The following PRKCB variants were observed in gnomAD, a reference collection of about 807,000 sequenced individuals.
PRKCB encodes protein kinase C beta.
A neutral mutation model predicts 81.5 loss-of-function variants in PRKCB; 13 were observed. The ratio of observed to expected loss-of-function variants is 0.16; its 90% CI spans 0.10 to 0.25. The LOEUF (loss-of-function observed/expected upper bound fraction) is 0.25. PRKCB is among the 10% of genes least tolerant of loss of function. The probability of loss-of-function intolerance (pLI) is 1.00; values close to 1 mark genes in which losing one functional copy is unlikely to be tolerated. For missense variants in PRKCB, 509 were observed against 875.7 expected (o/e 0.58, Z 5.29); for synonymous variants, 335 against 321.4 (o/e 1.04, Z -0.45).
chr16:24,112,451 T>C (rs1966686847), intron 7 of PRKCB, among the ~76,000 whole-genome samples: 1 of 152,086 alleles, frequency 6.6e-6, no homozygotes, highest in African/African-American at 2.4e-5. Context: ...GGCAGGAGGA[T>C]CGCTTGAACC....
Position 23,937,679 on chromosome 16 carries a change from A to G in PRKCB, c.206-50829A>G, listed in dbSNP as rs140162794. 2.1e-3 allele frequency among the ~76,000 whole-genome samples: 315 copies of G among 152,340 alleles called. 1 individual carries two copies. Among genetic ancestry groups the G allele is most frequent in the Non-Finnish European group, 2.3e-3 (157 of 68,026 alleles). On this transcript the variant is annotated intron_variant, in intron 2 of 16. Coordinates refer to ENST00000643927, the MANE Select transcript of PRKCB (RefSeq NM_002738.7). ...AGACCAACTGGAAACAGCTTTGTCT[A>G]TCTTCCACTGTCCTATTCCTAGACT... is the stretch of plus-strand genomic sequence containing the variant.
At chr16:23,879,678 G>C (rs948807638) in intron 2 of PRKCB, among the ~76,000 whole-genome samples, 1 of 151,968 alleles carries the variant, frequency 6.6e-6, no homozygotes, top group Non-Finnish European at 1.5e-5. Flanking sequence ...ATTTTTAGTA[G>C]AGACGGGGTT....
chr16:24,010,364 T>C (rs1965186556), intron 3 of PRKCB, among the ~76,000 whole-genome samples: 1 of 152,242 alleles, frequency 6.6e-6, no homozygotes, highest in African/African-American at 2.4e-5. Flanking sequence ...ATTACAACTG[T>C]GGTGTATTTT....
intron 3 of PRKCB, among the ~76,000 whole-genome samples, chr16:24,028,203 C>T (rs772270145): frequency 2.6e-5 from 4 of 152,146 alleles, no homozygotes; most frequent in Admixed American, 2.6e-4. Context: ...ATTCTTCTGT[C>T]TCAGCCTCCC....
chr16:24,051,297 G>T (rs1275741226), intron 5 of PRKCB, among the ~76,000 whole-genome samples: 1 of 152,170 alleles, frequency 6.6e-6, no homozygotes, highest in African/African-American at 2.4e-5. Flanking sequence ...CTTAGGGCTG[G>T]CTGGTTTGAA....
chr16:24,122,367 T>C (rs1000752931), intron 8 of PRKCB, among the ~76,000 whole-genome samples: 1 of 151,884 alleles, frequency 6.6e-6, no homozygotes, highest in Non-Finnish European at 1.5e-5. Flanking sequence ...ATGGTATATA[T>C]ATTGGGCAGA....
Position 24,035,606 on chromosome 16 carries a change from G to A in PRKCB, c.529+59G>A, listed in dbSNP as rs76232815. 9,501 of 1,566,636 alleles carry A rather than the reference G, an allele frequency of 6.1e-3. 131 individuals are homozygous for A. Among genetic ancestry groups the A allele is most frequent in the African/African-American group, 0.048 (3,544 of 73,412 alleles). The stretch of plus-strand genomic sequence containing the variant: ...CTTGCTTGACCTGTGTGATTGAGAA[G>A]GGGAGGGTGGCGGAGGGGTGGGGCA... On this transcript the variant is annotated intron_variant, in intron 5 of 16. Coordinates refer to ENST00000643927, the MANE Select transcript of PRKCB (RefSeq NM_002738.7).
chr16:24,209,166 G>A (rs1303012326), intron 16 of PRKCB, among the ~76,000 whole-genome samples: 1 of 152,134 alleles, frequency 6.6e-6, no homozygotes, highest in East Asian at 1.9e-4. Context: ...CTGTGTCTCA[G>A]CAAATGTGCT....
At chr16:24,009,398 A>G (rs1209177230) in intron 3 of PRKCB, among the ~76,000 whole-genome samples, 1 of 151,664 alleles carries the variant, frequency 6.6e-6, no homozygotes. Flanking sequence ...CCACAATGAG[A>G]TATTATCTCA....
chr16:23,842,562 T>TA (rs1338513210), intron 2 of PRKCB, among the ~76,000 whole-genome samples: 1 of 152,214 alleles, frequency 6.6e-6, no homozygotes, highest in Non-Finnish European at 1.5e-5. Context: ...CATGCCTGGT[T>TA]AGCATTGTCT....
intron 3 of PRKCB, among the ~76,000 whole-genome samples, chr16:24,021,246 C>A (rs1965388821): frequency 9.8e-6 from 1 of 102,324 alleles, no homozygotes; most frequent in Non-Finnish European, 1.8e-5. Context: ...TTCCTTCCTT[C>A]CTTCTTCCTT....
intron 5 of PRKCB, among the ~76,000 whole-genome samples, chr16:24,041,632 A>G (rs1419378195): frequency 6.6e-6 from 1 of 152,056 alleles, no homozygotes; most frequent in Non-Finnish European, 1.5e-5. Flanking sequence ...TGACAGCCTT[A>G]GGTACTCCCA....
At chr16:23,860,372 T>C (rs1211932141) in intron 2 of PRKCB, among the ~76,000 whole-genome samples, 1 of 152,076 alleles carries the variant, frequency 6.6e-6, no homozygotes. Context: ...TAGAGAATTA[T>C]GCGTTGGGTA....
chr16:23,856,754 A>C (rs1482264129), intron 2 of PRKCB, among the ~76,000 whole-genome samples: 2 of 152,170 alleles, frequency 1.3e-5, no homozygotes, highest in African/African-American at 4.8e-5. Flanking sequence ...CAAACTCCTG[A>C]GCTCAAACAG....
intron 3 of PRKCB, among the ~76,000 whole-genome samples, chr16:24,020,855 T>C (rs1465883557): frequency 6.6e-6 from 1 of 152,212 alleles, no homozygotes; most frequent in African/African-American, 2.4e-5. Flanking sequence ...TAGCTTGTGT[T>C]TTCTCTCTGT....
chr16:23,853,056 A>G (rs1962500360), intron 2 of PRKCB, among the ~76,000 whole-genome samples: 4 of 152,206 alleles, frequency 2.6e-5, no homozygotes, highest in African/African-American at 4.8e-5. Flanking sequence ...AATGTTGCCC[A>G]TCGGTTCCAG....
At chr16:24,093,451 T>C (rs1014918417) in intron 6 of PRKCB, among the ~76,000 whole-genome samples, 3 of 152,210 alleles carry the variant, frequency 2.0e-5, no homozygotes, top group African/African-American at 7.2e-5. Context: ...GAGTTGGTTA[T>C]AACAGCCAAT....
chr16:24,174,264 C>A, intron 11 of PRKCB: 1 of 423,846 alleles, frequency 2.4e-6, no homozygotes, highest in Non-Finnish European at 4.2e-6. Flanking sequence ...TCATCATATC[C>A]CATGTCCCCT....
intron 2 of PRKCB, among the ~76,000 whole-genome samples, chr16:23,977,948 A>G (rs931725322): frequency 6.6e-6 from 1 of 152,066 alleles, no homozygotes; most frequent in African/African-American, 2.4e-5. Flanking sequence ...ATTCGCTCAC[A>G]TTTTTAGTAA....
Sources: allele counts gnomAD v4.1 joint callset (sites outside exome capture counted in the v4.1 genomes callset), GRCh38; gene constraint gnomAD v4.1.1; transcripts MANE v1.5; gene names NCBI Gene and HGNC (gene_info 2026-07-23, HGNC 2026-07-21).